CTNNA3: variants seen among roughly 807,000 people sequenced by gnomAD.
The protein encoded by CTNNA3 is catenin alpha 3.
Under a neutral mutation model 95.7 loss-of-function variants are expected in CTNNA3, and 76 were observed. That is an observed-to-expected ratio of 0.79 (90% CI 0.66 to 0.96). CTNNA3 has a LOEUF of 0.96. CTNNA3 is among the 40% of genes least tolerant of loss of function. The pLI is 0.00. For synonymous variants in CTNNA3, 431 were observed against 374.4 expected, an observed-to-expected ratio of 1.15 and a Z score of -1.74; for missense variants, 1,191 against 1,089.8, an observed-to-expected ratio of 1.09 and a Z score of -1.31.
At chr10:65,944,867 T>C (rs1462908225) in intron 17 of CTNNA3, among the ~76,000 whole-genome samples, 1 of 112,558 alleles carries the variant, frequency 8.9e-6, no homozygotes, top group African/African-American at 2.9e-5. Flanking sequence ...TATCTATCTA[T>C]CTATCTATCT....
chr10:67,699,420 T>A (rs568446763), upstream of CTNNA3, among the ~76,000 whole-genome samples: 2 of 152,314 alleles, frequency 1.3e-5, no homozygotes, highest in South Asian at 4.1e-4. Context: ...AACCATTCTG[T>A]CACCTGAGGG....
rs145072195 is a variant in CTNNA3 at position 67,651,671 on chromosome 10, T to C, written c.-5-4153A>G. Among the ~76,000 whole-genome samples, 91 of 152,338 alleles carry C rather than the reference T, an allele frequency of 6.0e-4. 2 individuals carry two copies. The highest frequency in any genetic ancestry group is 2.1e-3 in the African/African-American group (86 of 41,590). ...TGTGTGAAATAATCTACCTTTTTCA[T>C]TTCGTCAAAAATATAGATATATCAT... is the stretch of plus-strand genomic sequence containing the variant. On this transcript the variant is annotated intron_variant, in intron 1 of 17. Coordinates refer to ENST00000433211, the MANE Select transcript of CTNNA3 (RefSeq NM_013266.4).
intron 5 of CTNNA3, among the ~76,000 whole-genome samples, chr10:67,386,504 T>C (rs1411908314): frequency 6.6e-6 from 1 of 152,190 alleles, no homozygotes; most frequent in Non-Finnish European, 1.5e-5. Flanking sequence ...ACCTAAGATC[T>C]GACTTCAACA....
intron 3 of CTNNA3, among the ~76,000 whole-genome samples, chr10:67,553,908 G>A (rs371046858): frequency 1.7e-4 from 26 of 151,898 alleles, no homozygotes; most frequent in Admixed American, 1.1e-3. Flanking sequence ...ATCCCTCCCC[G>A]TTCCCCCAAC....
At chr10:66,182,256 C>CTT (rs570667950) in intron 13 of CTNNA3, among the ~76,000 whole-genome samples, 1,451 of 134,526 alleles carry the variant, frequency 0.011, 38 homozygotes, top group African/African-American at 0.034. Context: ...GGATACATTT[C>CTT]TTTTTTTTTT....
At chr10:67,476,821 T>TA (rs1848032998) in intron 5 of CTNNA3, among the ~76,000 whole-genome samples, 1 of 150,824 alleles carries the variant, frequency 6.6e-6, no homozygotes, top group Admixed American at 6.6e-5. Context: ...CACACAGAGT[T>TA]ACAGCCTGAG....
chr10:66,934,330 C>T (rs1589446688), intron 7 of CTNNA3, among the ~76,000 whole-genome samples: 1 of 152,102 alleles, frequency 6.6e-6, no homozygotes, highest in Non-Finnish European at 1.5e-5. Flanking sequence ...CTTTCTCTCA[C>T]TCTTAAATTG....
chr10:67,597,079 A>G (rs2133359761), intron 3 of CTNNA3, among the ~76,000 whole-genome samples: 1 of 152,222 alleles, frequency 6.6e-6, no homozygotes, highest in South Asian at 2.1e-4. Context: ...TTATATTACA[A>G]AATTCTTTTG....
intron 11 of CTNNA3, among the ~76,000 whole-genome samples, chr10:66,491,497 G>A (rs1839921736): frequency 6.6e-6 from 1 of 152,026 alleles, no homozygotes; most frequent in Admixed American, 6.6e-5. Flanking sequence ...TAAATGTAAT[G>A]ACCATTTTAT....
intron 7 of CTNNA3, among the ~76,000 whole-genome samples, chr10:67,123,917 A>T (rs1457701499): frequency 6.6e-6 from 1 of 152,158 alleles, no homozygotes; most frequent in African/African-American, 2.4e-5. Context: ...GGACAAGGAG[A>T]GAAAAACTAG....
At chr10:67,234,526 A>G (rs1409457555) in intron 5 of CTNNA3, among the ~76,000 whole-genome samples, 2 of 152,168 alleles carry the variant, frequency 1.3e-5, no homozygotes, top group South Asian at 2.1e-4. Context: ...AATAATAAGC[A>G]CTATCTATGA....
chr10:67,183,576 T>G (rs541257878), intron 6 of CTNNA3, among the ~76,000 whole-genome samples: 2 of 151,852 alleles, frequency 1.3e-5, no homozygotes, highest in Non-Finnish European at 2.9e-5. Context: ...CATTAGGAGA[T>G]ATACCTAATG....
intron 15 of CTNNA3, among the ~76,000 whole-genome samples, chr10:66,014,368 C>G (rs1027465648): frequency 1.6e-4 from 24 of 152,096 alleles, no homozygotes; most frequent in Non-Finnish European, 3.1e-4. Context: ...AGTTACTGAG[C>G]TGGAATTTCC....
chr10:66,309,363 T>C (rs2091974864), intron 12 of CTNNA3, among the ~76,000 whole-genome samples: 3 of 152,082 alleles, frequency 2.0e-5, no homozygotes, highest in Non-Finnish European at 2.9e-5. Context: ...ATAACACCTT[T>C]TTTTTCGTCT....
chr10:66,083,535 G>A (rs2080852083), intron 14 of CTNNA3, among the ~76,000 whole-genome samples: 1 of 152,110 alleles, frequency 6.6e-6, no homozygotes, highest in Non-Finnish European at 1.5e-5. Flanking sequence ...TCTTTGATCA[G>A]CTAGCATAAG....
In CTNNA3 at chr10:66,532,417, G is replaced by T. The variant is rs10997221; in HGVS notation, c.1375-11644C>A. On this transcript the variant is annotated intron_variant, in intron 10 of 17. Transcript: ENST00000433211. ...GCGGAGCTTGCAGTGAGCTGAGATC[G>T]CGCCACTGTACTCCAGCCTGGGTGA... is the stretch of plus-strand genomic sequence containing the variant. Among the ~76,000 whole-genome samples, 296 of 151,500 alleles carry T rather than the reference G, an allele frequency of 2.0e-3. 15 individuals are homozygous for T. The East Asian group carries it at 0.042, about 22-fold the overall frequency.
At chr10:67,394,035 T>C (rs953357035) in intron 5 of CTNNA3, among the ~76,000 whole-genome samples, 1 of 152,114 alleles carries the variant, frequency 6.6e-6, no homozygotes, top group Non-Finnish European at 1.5e-5. Flanking sequence ...AAAATGGTAG[T>C]GGAAGAAGCT....
At chr10:66,509,390 T>C (rs1840576620) in intron 11 of CTNNA3, among the ~76,000 whole-genome samples, 2 of 152,078 alleles carry the variant, frequency 1.3e-5, no homozygotes, top group African/African-American at 2.4e-5. Context: ...TAGTTTTATA[T>C]AGTCTGATTT....
chr10:66,258,277 A>C (rs2090867963), intron 13 of CTNNA3, among the ~76,000 whole-genome samples: 1 of 152,204 alleles, frequency 6.6e-6, no homozygotes. Flanking sequence ...AAATATTCAC[A>C]GAAAGCGTTC....
Sources: allele counts gnomAD v4.1 joint callset (sites outside exome capture counted in the v4.1 genomes callset), GRCh38; gene constraint gnomAD v4.1.1; transcripts MANE v1.5; gene names NCBI Gene and HGNC (gene_info 2026-07-23, HGNC 2026-07-21).